Variants in DOCK3 observed in about 807,000 individuals in gnomAD.
The protein encoded by DOCK3 is dedicator of cytokinesis protein 3.
In DOCK3, 60 loss-of-function variants were observed where a neutral mutation model predicts 265.6. The ratio of observed to expected loss-of-function variants is 0.23; its 90% CI spans 0.18 to 0.28. The LOEUF is 0.28. DOCK3 is among the 10% of genes least tolerant of loss of function. DOCK3 has a pLI of 1.00. For synonymous variants in DOCK3, 881 were observed against 938.0 expected, an observed-to-expected ratio of 0.94 and a Z score of 1.11; for missense variants, 1,981 against 2,594.3, an observed-to-expected ratio of 0.76 and a Z score of 5.14.
intron 4 of DOCK3, among the ~76,000 whole-genome samples, chr3:50,922,661 A>G (rs897913583): frequency 6.6e-6 from 1 of 151,732 alleles, no homozygotes; most frequent in South Asian, 2.1e-4. Flanking sequence ...CTTTTTGGCC[A>G]TCTTGGAACC....
chr3:51,090,870 T>C (rs1179732541), intron 9 of DOCK3, among the ~76,000 whole-genome samples: 1 of 152,216 alleles, frequency 6.6e-6, no homozygotes, highest in Non-Finnish European at 1.5e-5. Flanking sequence ...TGGGAACTTC[T>C]TGTGTTAGGA....
In DOCK3 at chr3:51,031,518, T is replaced by C. The variant is rs144263660; in HGVS notation, c.316-32930T>C. 4.8e-4 allele frequency among the ~76,000 whole-genome samples: 73 copies of C among 152,320 alleles called. No homozygotes were observed. In the East Asian group the frequency reaches 7.3e-3, roughly 15 times the overall value. On this transcript the variant is annotated intron_variant, in intron 5 of 52. Transcript: ENST00000266037. ...TTGTCCCAGCAAAGCTTGCCCTTTATCCTGATTTTACCATGTTGATATGGC... is the reference window on the plus strand; with the variant it reads ...TTGTCCCAGCAAAGCTTGCCCTTTACCCTGATTTTACCATGTTGATATGGC...
chr3:50,741,041 C>T (rs1460904134), intron 1 of DOCK3, among the ~76,000 whole-genome samples: 1 of 151,832 alleles, frequency 6.6e-6, no homozygotes, highest in Non-Finnish European at 1.5e-5. Context: ...TTATACAATA[C>T]ATGTTCTTTT....
At chr3:51,288,899 TGTGG>T (rs1232556210) in intron 27 of DOCK3, among the ~76,000 whole-genome samples, 2 of 148,124 alleles carry the variant, frequency 1.4e-5, no homozygotes, top group African/African-American at 2.6e-5. Context: ...TGTGTGTGTG[TGTGG>T]GTGTGTGTGT....
chr3:50,717,931 G>C (rs974034798), intron 1 of DOCK3, among the ~76,000 whole-genome samples: 1 of 152,016 alleles, frequency 6.6e-6, no homozygotes, highest in African/African-American at 2.4e-5. Context: ...GGCCGTGTTT[G>C]TGTTTACTTT....
At chr3:51,283,343 C>T (rs558896705) in intron 27 of DOCK3, among the ~76,000 whole-genome samples, 2 of 152,300 alleles carry the variant, frequency 1.3e-5, no homozygotes, top group East Asian at 1.9e-4. Context: ...ATATACCACC[C>T]TAATTCTAAG....
At chr3:51,251,787 A>G (rs911566983) in intron 22 of DOCK3, among the ~76,000 whole-genome samples, 3 of 152,208 alleles carry the variant, frequency 2.0e-5, no homozygotes, top group East Asian at 1.9e-4. Flanking sequence ...ATAGATGGCA[A>G]AAATTTTCTC....
intron 5 of DOCK3, among the ~76,000 whole-genome samples, chr3:51,012,604 C>T (rs1019416661): frequency 4.6e-5 from 7 of 152,124 alleles, no homozygotes. Flanking sequence ...CTGGGTGAGG[C>T]GATGCCTTGT....
chr3:51,338,558 CT>C, intron 36 of DOCK3, 139 bp downstream of exon 36: 2 of 909,228 alleles, frequency 2.2e-6, no homozygotes, highest in Non-Finnish European at 3.4e-6. Flanking sequence ...TTACTGGTAT[CT>C]TAGAGGCCTG....
rs1470718142 is a variant in DOCK3, at chr3:50,868,926, TG to T, written c.163-21098del. On this transcript the variant is annotated intron_variant, in intron 3 of 52. Transcript: ENST00000266037. ...GTTTTTTTTTTTTTTTTTTTTTTTT[TG>T]GTCTGACTAAAAGTTTGTCGGTTTT... is the stretch of plus-strand genomic sequence containing the variant. Among the ~76,000 whole-genome samples, 80 of 135,234 alleles carry T rather than the reference TG, an allele frequency of 5.9e-4. 1 individual carries two copies. The highest frequency in any genetic ancestry group is 1.1e-3 in the Non-Finnish European group (67 of 62,784). 88.7% of individuals were successfully genotyped at this position (135,234 alleles called of 152,430 possible). A position where few individuals can be genotyped will look rare whatever the true frequency, so the allele number is the denominator to read the frequency against.
intron 5 of DOCK3, among the ~76,000 whole-genome samples, chr3:51,011,026 G>A (rs977448649): frequency 2.4e-4 from 37 of 152,082 alleles, no homozygotes; most frequent in African/African-American, 7.7e-4. Flanking sequence ...TGGGTAACCC[G>A]ACCTTTCTCT....
intron 10 of DOCK3, among the ~76,000 whole-genome samples, chr3:51,154,478 C>G (rs533933233): frequency 3.3e-5 from 5 of 152,306 alleles, no homozygotes; most frequent in African/African-American, 1.2e-4. Context: ...AGTCTATTGG[C>G]TGAGAGCTTC....
intron 22 of DOCK3, among the ~76,000 whole-genome samples, chr3:51,252,488 C>G (rs1054270792): frequency 2.0e-5 from 3 of 152,174 alleles, no homozygotes; most frequent in African/African-American, 7.2e-5. Context: ...TTCTTCCTAT[C>G]CATGAGCATG....
intron 1 of DOCK3, among the ~76,000 whole-genome samples, chr3:50,765,151 G>A (rs1395969021): frequency 6.8e-6 from 1 of 146,714 alleles, no homozygotes; most frequent in Non-Finnish European, 1.5e-5. Context: ...GCGCAATCTC[G>A]GCTCACTGTA....
At chr3:50,750,953 T>A (rs1371775754) in intron 1 of DOCK3, among the ~76,000 whole-genome samples, 3 of 152,230 alleles carry the variant, frequency 2.0e-5, no homozygotes, top group African/African-American at 7.2e-5. Context: ...TTTTTTTCTT[T>A]TTTATTTGTA....
chr3:51,283,554 C>T (rs1374060093), intron 27 of DOCK3, among the ~76,000 whole-genome samples: 1 of 152,180 alleles, frequency 6.6e-6, no homozygotes, highest in African/African-American at 2.4e-5. Flanking sequence ...TTTCAGTGGA[C>T]ATGTGGCAGT....
At chr3:50,829,984 T>A (rs1216910191) in intron 2 of DOCK3, among the ~76,000 whole-genome samples, 1 of 152,188 alleles carries the variant, frequency 6.6e-6, no homozygotes. Context: ...TAAATGCAGA[T>A]GATTATTGTG....
At chr3:50,720,620 T>C (rs1366417111) in intron 1 of DOCK3, among the ~76,000 whole-genome samples, 1 of 152,216 alleles carries the variant, frequency 6.6e-6, no homozygotes, top group Non-Finnish European at 1.5e-5. Flanking sequence ...TATGTCTTTA[T>C]GGCAGAATGA....
At chr3:51,195,116 C>T (rs1045369520) in intron 12 of DOCK3, among the ~76,000 whole-genome samples, 1 of 152,124 alleles carries the variant, frequency 6.6e-6, no homozygotes, top group Non-Finnish European at 1.5e-5. Flanking sequence ...TGAGCCACTG[C>T]GCCTGGCCCG....
Sources: allele counts gnomAD v4.1 joint callset (sites outside exome capture counted in the v4.1 genomes callset), GRCh38; gene constraint gnomAD v4.1.1; transcripts MANE v1.5; gene names NCBI Gene and HGNC (gene_info 2026-07-23, HGNC 2026-07-21).